IL1RAP: variants seen among roughly 807,000 people sequenced by gnomAD.
The protein encoded by IL1RAP is interleukin-1 receptor accessory protein.
Under a neutral mutation model 60.7 loss-of-function variants are expected in IL1RAP, and 35 were observed. That is an observed-to-expected ratio of 0.58 (90% confidence interval 0.44 to 0.76). IL1RAP has a LOEUF of 0.76. Ranked by LOEUF, IL1RAP falls within the 30% of genes least tolerant of loss-of-function variation. IL1RAP has a pLI of 0.00. For missense variants in IL1RAP, 572 were observed against 693.9 expected (o/e 0.82, Z 1.97); for synonymous variants, 268 against 250.9 (o/e 1.07, Z -0.64).
chr3:190,543,271 C>T (rs1724097757), intron 1 of IL1RAP, among the ~76,000 whole-genome samples: 1 of 152,060 alleles, frequency 6.6e-6, no homozygotes, highest in Non-Finnish European at 1.5e-5. Context: ...GCAGAAAACA[C>T]ATAAAGGAAT....
At chr3:190,654,230 A>ACACACACACACACACAC (rs1734530529), downstream of IL1RAP, among the ~76,000 whole-genome samples, 1 of 149,730 alleles carries the variant, frequency 6.7e-6, no homozygotes, top group African/African-American at 2.5e-5. Flanking sequence ...ACACACACAC[A>ACACACACACACACACAC]ATTTGCATGA....
chr3:190,614,473 A>G (rs1182505623), intron 5 of IL1RAP, among the ~76,000 whole-genome samples: 2 of 152,112 alleles, frequency 1.3e-5, no homozygotes, highest in African/African-American at 4.8e-5. Context: ...CGATTCAGAG[A>G]GATAAACAAT....
At chr3:190,640,232 G>C (rs190462254) in intron 9 of IL1RAP, among the ~76,000 whole-genome samples, 20 of 152,320 alleles carry the variant, frequency 1.3e-4, no homozygotes, top group Non-Finnish European at 2.5e-4. Context: ...CGAAAAGCCA[G>C]AGTGATCGTA....
intron 5 of IL1RAP, among the ~76,000 whole-genome samples, chr3:190,615,632 C>G (rs1467543355): frequency 1.3e-5 from 2 of 152,142 alleles, no homozygotes; most frequent in African/African-American, 4.8e-5. Flanking sequence ...TTTCTATTAT[C>G]TTTGTGGTTG....
rs1734211171 is a variant in IL1RAP, at chr3:190,648,666, T to G, written c.1674T>G (p.Asp558Glu). 6.2e-7 allele frequency: 1 copy of G among 1,613,900 alleles called. No homozygotes were observed. The highest frequency in any genetic ancestry group is 8.5e-7 in the Non-Finnish European group (1 of 1,179,926). The change falls in exon 12 of 12, where the codon GAT (aspartate) becomes GAG (glutamate). Residue 558 changes from aspartate to glutamate, a missense_variant. Coordinates refer to ENST00000447382, the MANE Select transcript of IL1RAP (RefSeq NM_002182.4). ...AAAGTCCCAGGCGGTCTAGCAGTGATGAGCAGGGCCTCTCGTATTCATCTT... is the reference window on the plus strand; with the variant it reads ...AAAGTCCCAGGCGGTCTAGCAGTGAGGAGCAGGGCCTCTCGTATTCATCTT... ...VKKSPRRSSS[D>E]EQGLSYSSLK... is the part of the protein sequence containing the mutation.
chr3:190,534,885 C>T (rs978538683), intron 1 of IL1RAP, among the ~76,000 whole-genome samples: 9 of 141,880 alleles, frequency 6.3e-5, no homozygotes, highest in South Asian at 4.3e-4. Context: ...AGATGTCATC[C>T]GGATAAGAAG....
At chr3:190,549,100 G>GAA (rs11369581) in intron 1 of IL1RAP, among the ~76,000 whole-genome samples, 10,050 of 151,748 alleles carry the variant, frequency 0.066, 611 homozygotes, top group East Asian at 0.33. Flanking sequence ...TGGCAAAAAG[G>GAA]AAAAAAAGGG....
intron 5 of IL1RAP, among the ~76,000 whole-genome samples, chr3:190,609,640 T>C (rs910022798): frequency 6.6e-5 from 10 of 152,116 alleles, no homozygotes; most frequent in Admixed American, 5.2e-4. Flanking sequence ...ATTTGGAAAA[T>C]GTTTCATCAA....
At chr3:190,557,941 C>G (rs1427758882) in intron 2 of IL1RAP, among the ~76,000 whole-genome samples, 2 of 152,114 alleles carry the variant, frequency 1.3e-5, no homozygotes, top group Admixed American at 6.5e-5. Context: ...CTTTTGCAGT[C>G]ATACTCTCCC....
In IL1RAP at chr3:190,543,028, G is replaced by A. The variant is rs73060107; in HGVS notation, c.-88-13102G>A. Among the ~76,000 whole-genome samples, 290 of 152,102 alleles carry A rather than the reference G, an allele frequency of 1.9e-3. 5 individuals are homozygous for A. The highest frequency in any genetic ancestry group is 6.7e-3 in the African/African-American group (278 of 41,506). ...TGGTGTAATTCCAGGCTGTTCCCTCGATGGTCATTGGGTGGGGGCTCACTA... is the reference window on the plus strand; with the variant it reads ...TGGTGTAATTCCAGGCTGTTCCCTCAATGGTCATTGGGTGGGGGCTCACTA... On this transcript the variant is annotated intron_variant, in intron 1 of 11. Transcript: ENST00000447382.
At chr3:190,590,592 C>T (rs774755126) in intron 3 of IL1RAP, among the ~76,000 whole-genome samples, 4 of 152,272 alleles carry the variant, frequency 2.6e-5, no homozygotes, top group East Asian at 1.9e-4. Context: ...TTATGGGCAG[C>T]GATGCCATTT....
At chr3:190,553,869 G>T (rs1303247976) in intron 1 of IL1RAP, among the ~76,000 whole-genome samples, 1 of 151,618 alleles carries the variant, frequency 6.6e-6, no homozygotes, top group Non-Finnish European at 1.5e-5. Flanking sequence ...GACCATCCCG[G>T]CTAAAAACGG....
chr3:190,571,874 G>C (rs1159943241), intron 3 of IL1RAP, among the ~76,000 whole-genome samples: 1 of 151,726 alleles, frequency 6.6e-6, no homozygotes, highest in African/African-American at 2.4e-5. Context: ...GTTATTGTTA[G>C]TGTTAGCTTA....
At chr3:190,542,184 T>C (rs547526874) in intron 1 of IL1RAP, among the ~76,000 whole-genome samples, 4 of 152,300 alleles carry the variant, frequency 2.6e-5, no homozygotes, top group African/African-American at 9.6e-5. Flanking sequence ...TCTTTCTTAA[T>C]TGATCTTTTG....
intron 3 of IL1RAP, among the ~76,000 whole-genome samples, chr3:190,587,250 G>A (rs187477314): frequency 2.2e-4 from 34 of 152,240 alleles, no homozygotes; most frequent in Middle Eastern, 3.4e-3. Flanking sequence ...TAGAATCCCC[G>A]TCTCCTACTG....
chr3:190,633,425 C>T (rs1412213447), intron 9 of IL1RAP, among the ~76,000 whole-genome samples: 2 of 152,092 alleles, frequency 1.3e-5, no homozygotes, highest in African/African-American at 4.8e-5. Context: ...GGCGTGATCT[C>T]GGCTCACTGC....
intron 2 of IL1RAP, among the ~76,000 whole-genome samples, 160 bp downstream of exon 2, chr3:190,556,376 TTA>T (rs965178826): frequency 8.6e-5 from 13 of 151,730 alleles, no homozygotes; most frequent in Admixed American, 5.3e-4. Flanking sequence ...ATAGCATTTT[TTA>T]TATATATATA....
chr3:190,545,232 AC>A (rs775114051), intron 1 of IL1RAP, among the ~76,000 whole-genome samples: 41 of 152,118 alleles, frequency 2.7e-4, no homozygotes, highest in Non-Finnish European at 4.6e-4. Context: ...GATGTTGCTG[AC>A]CCTGCAGGGT....
At chr3:190,556,453 T>A (rs1267755692) in intron 2 of IL1RAP, among the ~76,000 whole-genome samples, 1 of 152,082 alleles carries the variant, frequency 6.6e-6, no homozygotes, top group African/African-American at 2.4e-5. Flanking sequence ...ATCCTCTCCA[T>A]CTACCCTATC....
Sources: gnomAD v4.1 joint callset for allele counts (sites outside exome capture counted in the v4.1 genomes callset) on GRCh38, gnomAD v4.1.1 for gene constraint, MANE v1.5 for transcripts, NCBI Gene and HGNC (gene_info 2026-07-23, HGNC 2026-07-21) for gene names.